The following GRB14 variants were observed in gnomAD, a reference collection of about 807,000 sequenced individuals.
GRB14 encodes the protein growth factor receptor bound protein 14, also known as growth factor receptor-bound protein 14.
In GRB14, 38 loss-of-function variants were observed where a neutral mutation model predicts 69.1. That is an observed-to-expected ratio of 0.55 (90% CI 0.42 to 0.72). The LOEUF (loss-of-function observed/expected upper bound fraction) is 0.72, where lower values mean the gene tolerates loss of function less well. Among genes scored for constraint, GRB14 ranks in the 30% least tolerant of loss-of-function variants. GRB14 has a pLI of 0.00. For synonymous variants in GRB14, 247 were observed against 241.3 expected (o/e 1.02, Z -0.22); for missense variants, 666 against 666.1 (o/e 1.00, Z 0.00).
At chr2:164,516,942 T>C (rs1687505737) in intron 6 of GRB14, among the ~76,000 whole-genome samples, 1 of 152,106 alleles carries the variant, frequency 6.6e-6, no homozygotes, top group African/African-American at 2.4e-5. Context: ...AAGAATCACT[T>C]GAACCCAGGA....
chr2:164,545,699 T>G (rs1311605075), intron 3 of GRB14, among the ~76,000 whole-genome samples: 1 of 152,170 alleles, frequency 6.6e-6, no homozygotes, highest in Non-Finnish European at 1.5e-5. Flanking sequence ...AATAAGGAGT[T>G]CAAAGAATCG....
At chr2:164,606,627 C>G (rs1433712857) in intron 2 of GRB14, among the ~76,000 whole-genome samples, 1 of 152,090 alleles carries the variant, frequency 6.6e-6, no homozygotes, top group Non-Finnish European at 1.5e-5. Flanking sequence ...GCAGATTTCG[C>G]CTAAATGAGG....
chr2:164,514,377 GA>G (rs1400289000), intron 6 of GRB14, among the ~76,000 whole-genome samples: 1 of 152,128 alleles, frequency 6.6e-6, no homozygotes, highest in Non-Finnish European at 1.5e-5. Flanking sequence ...AAAAAACTGT[GA>G]GTACCCAAAG....
At chr2:164,593,360 G>A (rs1336672479) in intron 2 of GRB14, among the ~76,000 whole-genome samples, 1 of 152,030 alleles carries the variant, frequency 6.6e-6, no homozygotes, top group African/African-American at 2.4e-5. Context: ...TGTTTTCATA[G>A]GATTTAAAGA....
chr2:164,494,525 CTAAAG>C lies in GRB14; in HGVS notation c.1383-6_1383-2del. 1.4e-6 allele frequency: 2 copies of C among 1,454,764 alleles called. No individual in the cohort carries two copies. Among genetic ancestry groups the C allele is most frequent in the Non-Finnish European group, 1.9e-6 (2 of 1,035,074 alleles). 90.1% of individuals were successfully genotyped at this position (1,454,764 alleles called of 1,614,324 possible). ...CTGACTATCCCGTACCAAGAAAACT[CTAAAG>C]AGAGAGAAGGAATTTCAATGTTTCT... is the stretch of plus-strand genomic sequence containing the variant. On this transcript the variant is annotated splice_acceptor_variant and splice_polypyrimidine_tract_variant and intron_variant, in intron 12 of 13. Transcript: ENST00000263915. LOFTEE classifies it high-confidence loss of function.
intron 2 of GRB14, among the ~76,000 whole-genome samples, chr2:164,604,508 A>C (rs1420926437): frequency 6.6e-6 from 1 of 152,166 alleles, no homozygotes; most frequent in African/African-American, 2.4e-5. Context: ...AGGCATAAAA[A>C]CATGGAAAGA....
At chr2:164,595,751 G>A (rs1450925879) in intron 2 of GRB14, among the ~76,000 whole-genome samples, 5 of 152,184 alleles carry the variant, frequency 3.3e-5, no homozygotes, top group Non-Finnish European at 7.3e-5. Flanking sequence ...AAGAAGAGAC[G>A]GGTATGATCT....
intron 8 of GRB14, among the ~76,000 whole-genome samples, chr2:164,503,485 G>C (rs1303111634): frequency 7.0e-6 from 1 of 142,186 alleles, no homozygotes; most frequent in Non-Finnish European, 1.5e-5. Flanking sequence ...AATCAGAGGA[G>C]GTCTAAAGGA....
At chr2:164,521,906 TA>T (rs1687642666) in intron 6 of GRB14, 73 bp downstream of exon 6, 1 of 1,312,134 alleles carries the variant, frequency 7.6e-7, no homozygotes, top group Non-Finnish European at 1.1e-6. Context: ...AAGTAATAAA[TA>T]CAACAAAGTC....
Position 164,547,691 on chromosome 2 carries a change from G to C in GRB14, c.450C>G (p.Thr150=), listed in dbSNP as rs75035263. ...KNHYIDDHSW[T]LFEHLPHIGV... ...CTATGTGAGGCAGGTGCTCAAAAAG[G>C]GTCCAGCTGTGGTCATCAATGTAAT... The change falls in exon 3 of 14, where the codon ACC becomes ACG. Residue 150 remains threonine, a synonymous_variant. Coordinates refer to ENST00000263915, the MANE Select transcript of GRB14 (RefSeq NM_004490.3). 3.1e-3 allele frequency: 4,942 copies of C among 1,613,576 alleles called. 13 individuals carry two copies. The highest frequency in any genetic ancestry group is 3.7e-3 in the Non-Finnish European group (4,380 of 1,179,662).
chr2:164,576,095 G>T (rs1689244771), intron 2 of GRB14, among the ~76,000 whole-genome samples: 1 of 150,040 alleles, frequency 6.7e-6, no homozygotes, highest in Non-Finnish European at 1.5e-5. Flanking sequence ...AAGGAAGAAA[G>T]GAGCAAGGAA....
At chr2:164,567,364 C>A (rs747543102) in intron 2 of GRB14, among the ~76,000 whole-genome samples, 8 of 152,088 alleles carry the variant, frequency 5.3e-5, no homozygotes, top group Non-Finnish European at 1.0e-4. Context: ...ACTATAGCCA[C>A]TTTAACTGTT....
chr2:164,517,091 G>T (rs13035350), intron 6 of GRB14, among the ~76,000 whole-genome samples: 14,313 of 152,116 alleles, frequency 0.094, 1,037 homozygotes, highest in East Asian at 0.31. Flanking sequence ...ATTTACAAAA[G>T]AAAAAGGTTT....
chr2:164,577,753 A>C (rs993215030), intron 2 of GRB14, among the ~76,000 whole-genome samples: 1 of 152,224 alleles, frequency 6.6e-6, no homozygotes, highest in African/African-American at 2.4e-5. Context: ...GTGTGCATGC[A>C]TGCAACAGAT....
At chr2:164,569,955 G>C (rs1462672391) in intron 2 of GRB14, among the ~76,000 whole-genome samples, 2 of 152,100 alleles carry the variant, frequency 1.3e-5, no homozygotes, top group Non-Finnish European at 2.9e-5. Flanking sequence ...CTACTTTTCA[G>C]CAAGCCAACA....
Position 164,494,428 on chromosome 2 carries a change from TACTG to T in GRB14, c.1475_1476+2del, listed in dbSNP as rs764042172. The stretch of plus-strand genomic sequence containing the variant: ...CACAAATGTGAAATCACGAATTACT[TACTG>T]GTATAATTTGAAAGTGCTTTATTTT... On this transcript the variant is annotated splice_donor_variant and coding_sequence_variant, in exon 13 of 14. Transcript: ENST00000263915. LOFTEE classifies it high-confidence loss of function. 1 of 1,465,912 alleles carries T rather than the reference TACTG, an allele frequency of 6.8e-7. No homozygotes were observed. The highest frequency in any genetic ancestry group is 9.6e-7 in the Non-Finnish European group (1 of 1,045,172). 90.8% of individuals were successfully genotyped at this position (1,465,912 alleles called of 1,614,324 possible).
At chr2:164,514,189 T>C (rs1260755188) in intron 6 of GRB14, among the ~76,000 whole-genome samples, 1 of 151,950 alleles carries the variant, frequency 6.6e-6, no homozygotes, top group Non-Finnish European at 1.5e-5. Context: ...TAAAGAGAAG[T>C]AAAGGAACAG....
At position 164,547,368 on chromosome 2, in the gene GRB14, T is replaced by A. The variant is rs559239840; in HGVS notation, c.481+292A>T. ...AATTTAACAATGAGATTGAATTTTT[T>A]AAAAAATACAACAAATTGTGAACCT... is the stretch of plus-strand genomic sequence containing the variant. On this transcript the variant is annotated intron_variant, in intron 3 of 13. Transcript: ENST00000263915. Among the ~76,000 whole-genome samples, 4 of 152,278 alleles carry A rather than the reference T, an allele frequency of 2.6e-5. No individual in the cohort carries two copies. In the South Asian group the frequency reaches 6.2e-4, roughly 24 times the overall value.
At position 164,582,402 on chromosome 2, in the gene GRB14, C is replaced by CTTAT. The variant is rs1162308634; in HGVS notation, c.325-34590_325-34587dup. ...CAAATCAATCCATTTATTTTCAGCT[C>CTTAT]TTATTTATTTATTTATTTATTATTT... On this transcript the variant is annotated intron_variant, in intron 2 of 13. Coordinates refer to ENST00000263915, the MANE Select transcript of GRB14 (RefSeq NM_004490.3). Among the ~76,000 whole-genome samples, 415 of 141,352 alleles carry CTTAT rather than the reference C, an allele frequency of 2.9e-3. 1 individual carries two copies. Among genetic ancestry groups the CTTAT allele is most frequent in the African/African-American group, 0.01 (362 of 35,288 alleles). The allele number at this position is 141,352 out of a possible 152,430, so 92.7% of individuals were successfully genotyped here.
Sources: gnomAD v4.1 joint callset for allele counts (sites outside exome capture counted in the v4.1 genomes callset) on GRCh38, gnomAD v4.1.1 for gene constraint, MANE v1.5 for transcripts, NCBI Gene and HGNC (gene_info 2026-07-23, HGNC 2026-07-21) for gene names.